The following PCDHA4 variants were observed in gnomAD, a reference collection of about 807,000 sequenced individuals.
PCDHA4 encodes the protein protocadherin alpha 4.
Under a neutral mutation model 61.4 loss-of-function variants are expected in PCDHA4, and 49 were observed. The observed-to-expected ratio is 0.80, with a 90% CI of 0.63 to 1.01. The LOEUF is 1.01. Among genes scored for constraint, PCDHA4 ranks in the 50% least tolerant of loss-of-function variants. The pLI is 0.00. For missense variants in PCDHA4, 1,254 were observed against 1,235.8 expected (o/e 1.01, Z -0.22); for synonymous variants, 590 against 550.3 (o/e 1.07, Z -1.01).
At chr5:140,876,135 A>T (rs782217370) in intron 1 of PCDHA4, 2 of 1,613,954 alleles carry the variant, frequency 1.2e-6, no homozygotes, top group Admixed American at 3.3e-5. Context: ...GTAAACCAGA[A>T]CTAACAGGGT....
chr5:141,006,646 A>G (rs1478861419), intron 3 of PCDHA4, among the ~76,000 whole-genome samples: 1 of 152,206 alleles, frequency 6.6e-6, no homozygotes, highest in African/African-American at 2.4e-5. Flanking sequence ...ATAAGAGATG[A>G]TGGTGTCCTG....
At chr5:140,998,094 GCAAA>G (rs1182835904) in intron 3 of PCDHA4, among the ~76,000 whole-genome samples, 7 of 152,226 alleles carry the variant, frequency 4.6e-5, no homozygotes, top group African/African-American at 1.4e-4. Flanking sequence ...AAATGCTAGA[GCAAA>G]CAGAGGAGAA....
At chr5:140,828,140 C>T in intron 1 of PCDHA4, 1 of 1,613,974 alleles carries the variant, frequency 6.2e-7, no homozygotes, top group South Asian at 1.1e-5. Flanking sequence ...TCTGCTCCTC[C>T]CGCTTCTGCT....
intron 1 of PCDHA4, chr5:140,883,598 G>A: frequency 6.2e-7 from 1 of 1,614,008 alleles, no homozygotes; most frequent in Middle Eastern, 1.7e-4. Context: ...CGTGTCGGTG[G>A]GGGTGGCCGA....
At chr5:140,834,244 CT>C in intron 1 of PCDHA4, 1 of 863,716 alleles carries the variant, frequency 1.2e-6, no homozygotes, top group East Asian at 2.5e-5. Flanking sequence ...CCTTTTCGCA[CT>C]GGAAAGACGC....
intron 1 of PCDHA4, among the ~76,000 whole-genome samples, chr5:140,892,079 G>A (rs985463495): frequency 2.0e-5 from 3 of 152,066 alleles, no homozygotes; most frequent in Admixed American, 6.6e-5. Context: ...ATAATTTCTA[G>A]TTTCCTCTCG....
intron 1 of PCDHA4, among the ~76,000 whole-genome samples, chr5:140,926,202 G>T (rs1194252332): frequency 6.6e-6 from 1 of 151,658 alleles, no homozygotes; most frequent in East Asian, 1.9e-4. Flanking sequence ...TTCTTTCGGG[G>T]GGCTCCTGTT....
chr5:140,944,999 G>A (rs2093721816), intron 1 of PCDHA4, among the ~76,000 whole-genome samples: 1 of 151,896 alleles, frequency 6.6e-6, no homozygotes, highest in Non-Finnish European at 1.5e-5. Context: ...TAACGGTTGT[G>A]GGTCATGAAT....
At chr5:140,882,039 TGA>T (rs781834736) in intron 1 of PCDHA4, 12 of 658,206 alleles carry the variant, frequency 1.8e-5, no homozygotes, top group Non-Finnish European at 2.9e-5. Flanking sequence ...ATATGAAGAC[TGA>T]GTCATACTTA....
At chr5:140,838,195 A>T (rs1007938593) in intron 1 of PCDHA4, among the ~76,000 whole-genome samples, 4 of 149,564 alleles carry the variant, frequency 2.7e-5, no homozygotes, top group Non-Finnish European at 5.9e-5. Context: ...CTCACTGCAA[A>T]ATCCGCCTCT....
intron 1 of PCDHA4, chr5:140,875,303 C>T (rs2055408923): frequency 2.1e-6 from 3 of 1,414,848 alleles, no homozygotes; most frequent in Admixed American, 2.9e-5. Context: ...TTTTTCTCCG[C>T]ACCCACATTC....
intron 2 of PCDHA4, chr5:140,982,222 A>C: frequency 3.5e-6 from 2 of 569,284 alleles, no homozygotes; most frequent in Non-Finnish European, 2.7e-6. Context: ...CATGGCGTTA[A>C]TAAAAAACAG....
intron 3 of PCDHA4, among the ~76,000 whole-genome samples, chr5:140,996,335 T>G (rs887353118): frequency 1.3e-5 from 2 of 152,202 alleles, no homozygotes; most frequent in African/African-American, 4.8e-5. Flanking sequence ...AAGAAAAGTT[T>G]GAAAACCCAA....
intron 1 of PCDHA4, chr5:140,871,003 C>T (rs782654281): frequency 1.2e-6 from 2 of 1,613,416 alleles, no homozygotes; most frequent in Non-Finnish European, 1.7e-6. Context: ...AAGCACAACG[C>T]GTGCCCTGGA....
chr5:140,819,440 ATT>A (rs1446533087), intron 1 of PCDHA4, among the ~76,000 whole-genome samples: 1 of 152,136 alleles, frequency 6.6e-6, no homozygotes, highest in Non-Finnish European at 1.5e-5. Flanking sequence ...TTAAATCTAA[ATT>A]TTTTTCTCAA....
intron 2 of PCDHA4, among the ~76,000 whole-genome samples, chr5:140,980,790 T>G (rs557225636): frequency 5.3e-4 from 80 of 152,312 alleles, no homozygotes; most frequent in African/African-American, 1.9e-3. Flanking sequence ...TGCCATTTCT[T>G]TTTTGCATTG....
chr5:140,946,791 T>C (rs1019495660), intron 1 of PCDHA4, among the ~76,000 whole-genome samples: 4 of 151,326 alleles, frequency 2.6e-5, no homozygotes, highest in Non-Finnish European at 4.4e-5. Flanking sequence ...GCTGATCTTA[T>C]AGAAGCAGAG....
At chr5:140,943,248 ACT>A (rs1250099362) in intron 1 of PCDHA4, among the ~76,000 whole-genome samples, 2 of 133,008 alleles carry the variant, frequency 1.5e-5, no homozygotes, top group Non-Finnish European at 3.1e-5. Flanking sequence ...ACAGAGTGAG[ACT>A]CTGTCTCAAA....
chr5:140,951,145 T>G (rs2094553191), intron 1 of PCDHA4, among the ~76,000 whole-genome samples: 1 of 100,698 alleles, frequency 9.9e-6, no homozygotes, highest in South Asian at 2.6e-4. Flanking sequence ...TTTATCTTAT[T>G]GAATATAGTT....
Sources: allele counts gnomAD v4.1 joint callset (sites outside exome capture counted in the v4.1 genomes callset), GRCh38; gene constraint gnomAD v4.1.1; transcripts MANE v1.5; gene names NCBI Gene and HGNC (gene_info 2026-07-23, HGNC 2026-07-21).